Variants in MPPED2 observed in about 807,000 individuals in gnomAD.
MPPED2 encodes metallophosphoesterase domain containing 2.
In MPPED2, 5 loss-of-function variants were observed where a neutral mutation model predicts 33.0. That is an observed-to-expected ratio of 0.15 (90% CI 0.08 to 0.32). The LOEUF (loss-of-function observed/expected upper bound fraction) is 0.32, where lower values mean the gene tolerates loss of function less well. Among genes scored for constraint, MPPED2 ranks in the 10% least tolerant of loss-of-function variants. The pLI is 1.00. For missense variants in MPPED2, 275 were observed against 372.1 expected (o/e 0.74, Z 2.15); for synonymous variants, 136 against 141.9 (o/e 0.96, Z 0.29).
At chr11:30,432,620 T>TA (rs1000764246) in intron 4 of MPPED2, among the ~76,000 whole-genome samples, 2 of 152,128 alleles carry the variant, frequency 1.3e-5, no homozygotes, top group South Asian at 4.1e-4. Flanking sequence ...AGTTTTTTTT[T>TA]AAAAACATAC....
chr11:30,500,559 C>T (rs927489254), intron 3 of MPPED2, among the ~76,000 whole-genome samples: 2 of 152,130 alleles, frequency 1.3e-5, no homozygotes, highest in Non-Finnish European at 2.9e-5. Flanking sequence ...CTTATGTTCT[C>T]TAAAGTGTGC....
intron 3 of MPPED2, among the ~76,000 whole-genome samples, chr11:30,517,754 C>T (rs1021512151): frequency 1.3e-5 from 2 of 152,064 alleles, no homozygotes; most frequent in Non-Finnish European, 2.9e-5. Context: ...TACCAAAGGA[C>T]GAAGAAAGAA....
intron 2 of MPPED2, among the ~76,000 whole-genome samples, chr11:30,573,633 C>A (rs911256186): frequency 6.6e-5 from 10 of 152,088 alleles, no homozygotes; most frequent in African/African-American, 2.4e-4. Flanking sequence ...TAGGCCTAGG[C>A]TAATGTGTGT....
At chr11:30,441,804 C>T (rs1214778513) in intron 4 of MPPED2, among the ~76,000 whole-genome samples, 1 of 152,148 alleles carries the variant, frequency 6.6e-6, no homozygotes, top group Non-Finnish European at 1.5e-5. Context: ...GGCCTCATCA[C>T]AGTTGTCACA....
intron 1 of MPPED2, among the ~76,000 whole-genome samples, chr11:30,582,994 A>T (rs1295679557): frequency 6.6e-6 from 1 of 152,190 alleles, no homozygotes; most frequent in African/African-American, 2.4e-5. Context: ...TGAGGCAGAG[A>T]GCTTCAAAAC....
intron 3 of MPPED2, among the ~76,000 whole-genome samples, chr11:30,533,067 CT>C (rs1419172156): frequency 5.6e-4 from 85 of 152,310 alleles, no homozygotes; most frequent in African/African-American, 2.0e-3. Flanking sequence ...CTAGTACAAG[CT>C]TCAAATGTGC....
chr11:30,525,300 T>C (rs573564765), intron 3 of MPPED2, among the ~76,000 whole-genome samples: 1 of 152,356 alleles, frequency 6.6e-6, no homozygotes, highest in Admixed American at 6.5e-5. Context: ...TCTCTTCATG[T>C]GCTAGGACAC....
intron 4 of MPPED2, among the ~76,000 whole-genome samples, chr11:30,492,709 C>T (rs1165673280): frequency 3.2e-5 from 2 of 62,672 alleles, no homozygotes; most frequent in East Asian, 2.7e-3. Context: ...ATTGACGTAC[C>T]TTACTAAATA....
intron 3 of MPPED2, among the ~76,000 whole-genome samples, chr11:30,501,980 C>A (rs1416730634): frequency 6.6e-6 from 1 of 152,140 alleles, no homozygotes; most frequent in Non-Finnish European, 1.5e-5. Context: ...AGGGGAACGA[C>A]CTTCTCTGAG....
intron 6 of MPPED2, among the ~76,000 whole-genome samples, chr11:30,402,398 C>A (rs1248619928): frequency 6.6e-6 from 1 of 152,130 alleles, no homozygotes; most frequent in African/African-American, 2.4e-5. Flanking sequence ...TCACAAAAGT[C>A]TCTTATGTGC....
chr11:30,512,522 G>T (rs116643943), intron 3 of MPPED2, among the ~76,000 whole-genome samples: 13 of 152,074 alleles, frequency 8.5e-5, no homozygotes, highest in Admixed American at 8.5e-4. Flanking sequence ...TGTTGTGGGG[G>T]GAAGGAGGGA....
At chr11:30,509,006 A>G (rs1952992106) in intron 3 of MPPED2, among the ~76,000 whole-genome samples, 1 of 152,342 alleles carries the variant, frequency 6.6e-6, no homozygotes, top group African/African-American at 2.4e-5. Flanking sequence ...ATTGCCTGAG[A>G]ATCATGTGGA....
chr11:30,583,932 C>G (rs1309409347), intron 1 of MPPED2, among the ~76,000 whole-genome samples: 1 of 152,202 alleles, frequency 6.6e-6, no homozygotes, highest in Non-Finnish European at 1.5e-5. Context: ...CTCCCTCTGC[C>G]GCGCAGATCC....
At chr11:30,531,239 T>G (rs1954506764) in intron 3 of MPPED2, among the ~76,000 whole-genome samples, 1 of 152,202 alleles carries the variant, frequency 6.6e-6, no homozygotes, top group Admixed American at 6.5e-5. Flanking sequence ...CAATAAATCT[T>G]TGACAATAAG....
intron 4 of MPPED2, among the ~76,000 whole-genome samples, chr11:30,455,187 G>A (rs920077141): frequency 1.3e-5 from 2 of 152,170 alleles, no homozygotes; most frequent in African/African-American, 4.8e-5. Flanking sequence ...ACTACATATT[G>A]CTGCAATGAC....
intron 6 of MPPED2, among the ~76,000 whole-genome samples, chr11:30,401,993 G>A (rs1377520849): frequency 2.0e-5 from 3 of 151,946 alleles, no homozygotes; most frequent in Non-Finnish European, 2.9e-5. Flanking sequence ...CACCGCCCCC[G>A]GCCTACATAA....
chr11:30,513,432 T>C (rs948996699), intron 3 of MPPED2, among the ~76,000 whole-genome samples: 1 of 152,238 alleles, frequency 6.6e-6, no homozygotes, highest in East Asian at 1.9e-4. Context: ...TCTTTCCATC[T>C]CTTCGTGGCC....
At chr11:30,421,393 A>T (rs756829865) in intron 4 of MPPED2, among the ~76,000 whole-genome samples, 9 of 152,164 alleles carry the variant, frequency 5.9e-5, no homozygotes, top group Non-Finnish European at 1.0e-4. Context: ...TTTCCAAGTT[A>T]AGGATGAAGT....
downstream of MPPED2, among the ~76,000 whole-genome samples, chr11:30,407,748 G>A (rs572195401): frequency 1.5e-3 from 223 of 152,246 alleles, no homozygotes; most frequent in Non-Finnish European, 2.2e-3. Flanking sequence ...GCACGAGCCT[G>A]CAGTCGCAGC....
Sources: gnomAD v4.1 joint callset for allele counts (sites outside exome capture counted in the v4.1 genomes callset) on GRCh38, gnomAD v4.1.1 for gene constraint, MANE v1.5 for transcripts, NCBI Gene and HGNC (gene_info 2026-07-23, HGNC 2026-07-21) for gene names.